The following PPP1R12B variants were observed in gnomAD, a reference collection of about 807,000 sequenced individuals.
The protein encoded by PPP1R12B is protein phosphatase 1 regulatory subunit 12B.
A neutral mutation model predicts 126.1 loss-of-function variants in PPP1R12B; 76 were observed. That is an observed-to-expected ratio of 0.60 (90% confidence interval 0.50 to 0.73). The LOEUF (loss-of-function observed/expected upper bound fraction) is 0.73, where lower values mean the gene tolerates loss of function less well. Among genes scored for constraint, PPP1R12B ranks in the 30% least tolerant of loss-of-function variants. PPP1R12B has a pLI of 0.00. For missense variants in PPP1R12B, 1,052 were observed against 1,205.1 expected (o/e 0.87, Z 1.88); for synonymous variants, 356 against 434.7 (o/e 0.82, Z 2.25).
At chr1:202,483,829 A>T (rs966709551) in intron 13 of PPP1R12B, among the ~76,000 whole-genome samples, 23 of 152,098 alleles carry the variant, frequency 1.5e-4, no homozygotes, top group Admixed American at 7.2e-4. Context: ...TATAGTTTTT[A>T]TATCCTCTTG....
intron 19 of PPP1R12B, 77 bp from the exon 20 acceptor site, chr1:202,562,701 A>T: frequency 6.8e-7 from 1 of 1,475,324 alleles, no homozygotes; most frequent in Non-Finnish European, 9.5e-7. Flanking sequence ...AAAGGCGCAA[A>T]CTACCCCTGA....
intron 1 of PPP1R12B, among the ~76,000 whole-genome samples, chr1:202,377,842 T>TG (rs1202177240): frequency 2.8e-4 from 13 of 47,018 alleles, no homozygotes; most frequent in African/African-American, 5.3e-4. Context: ...GTTTTTTTTT[T>TG]TTTTTTTTTT....
intron 18 of PPP1R12B, among the ~76,000 whole-genome samples, chr1:202,548,176 A>G (rs186639843): frequency 5.3e-4 from 81 of 152,316 alleles, no homozygotes; most frequent in Non-Finnish European, 9.1e-4. Context: ...TAAGGCATGT[A>G]ACTGTTCTAG....
intron 18 of PPP1R12B, chr1:202,540,232 G>A (rs1020890086): frequency 3.1e-6 from 5 of 1,600,222 alleles, no homozygotes; most frequent in Non-Finnish European, 4.3e-6. Context: ...CGACTGCCAA[G>A]ACGCTCCGAG....
At chr1:202,490,481 T>TA (rs1678714644) in intron 14 of PPP1R12B, among the ~76,000 whole-genome samples, 2 of 152,210 alleles carry the variant, frequency 1.3e-5, no homozygotes, top group African/African-American at 2.4e-5. Context: ...TGTGGTGAAA[T>TA]ATACGTAACA....
intron 1 of PPP1R12B, among the ~76,000 whole-genome samples, chr1:202,361,208 C>T (rs1246649686): frequency 6.6e-6 from 1 of 152,146 alleles, no homozygotes; most frequent in East Asian, 1.9e-4. Context: ...TAACTCTTAA[C>T]TGAAGTTCCC....
chr1:202,490,247 G>GAGA (rs1246329915), intron 14 of PPP1R12B, among the ~76,000 whole-genome samples: 2 of 152,190 alleles, frequency 1.3e-5, no homozygotes, highest in African/African-American at 4.8e-5. Context: ...CAGTGAAAAG[G>GAGA]AGAAGTTCCA....
At chr1:202,438,494 C>A (rs1671143048) in intron 10 of PPP1R12B, 1 of 407,716 alleles carries the variant, frequency 2.5e-6, no homozygotes. Context: ...GTGGAGGATG[C>A]AGAGGGCGAG....
chr1:202,421,804 T>G (rs1201020648), intron 2 of PPP1R12B, among the ~76,000 whole-genome samples: 1 of 152,206 alleles, frequency 6.6e-6, no homozygotes, highest in Non-Finnish European at 1.5e-5. Context: ...GAGTTCTCAC[T>G]GGCCCAAAAG....
Position 202,587,588 on chromosome 1 carries a change from A to AG in PPP1R12B, c.*7029dup. The stretch of plus-strand genomic sequence containing the variant: ...TCAGTGCATCTGGTGGCAACAGCTC[A>AG]GCCCATTCAAAGAGCAAGGATTCAG... On this transcript the variant is annotated 3_prime_UTR_variant, in exon 24 of 24. Coordinates refer to ENST00000608999, the MANE Select transcript of PPP1R12B (RefSeq NM_002481.4). 2.0e-5 allele frequency: 3 copies of AG among 152,398 alleles called. No homozygotes were observed. In the Middle Eastern group the frequency reaches 0.01, roughly 515 times the overall value. 9.4% of individuals were successfully genotyped at this position (152,398 alleles called of 1,614,324 possible).
Position 202,401,320 on chromosome 1 carries a change from GC to G in PPP1R12B, c.292-15466del, listed in dbSNP as rs1232640025. Reference sequence around the variant, plus strand: ...GTTATTCATCTCAGCCTCCCGAGTAGCTAGGACTACAGTTGTCCACCACCAT... The same window carrying G: ...GTTATTCATCTCAGCCTCCCGAGTAGTAGGACTACAGTTGTCCACCACCAT... On this transcript the variant is annotated intron_variant, in intron 1 of 23. Coordinates refer to ENST00000608999, the MANE Select transcript of PPP1R12B (RefSeq NM_002481.4). Among the ~76,000 whole-genome samples the G allele has an allele frequency of 4.8e-5, 7 of 146,620 alleles. No individual in the cohort carries two copies. In the East Asian group the frequency reaches 1.4e-3, roughly 29 times the overall value.
At chr1:202,561,992 T>C (rs1481990050) in intron 19 of PPP1R12B, among the ~76,000 whole-genome samples, 1 of 152,236 alleles carries the variant, frequency 6.6e-6, no homozygotes, top group Non-Finnish European at 1.5e-5. Flanking sequence ...GTTTCATATG[T>C]GCTGCCTTTT....
rs116710607 is a variant in PPP1R12B, at chr1:202,402,405, C to T, written c.292-14382C>T. Among the ~76,000 whole-genome samples the T allele has an allele frequency of 8.8e-3, 1,346 of 152,292 alleles. 13 individuals are homozygous for T. The highest frequency in any genetic ancestry group is 0.012 in the Non-Finnish European group (802 of 68,026). ...TTGTATTTTTCATTCTACTTCCCTT[C>T]TTCTAGGACATAGCAGTCTGAAGTT... On this transcript the variant is annotated intron_variant, in intron 1 of 23. Coordinates refer to ENST00000608999, the MANE Select transcript of PPP1R12B (RefSeq NM_002481.4).
intron 13 of PPP1R12B, among the ~76,000 whole-genome samples, chr1:202,455,589 T>TGC (rs1673527400): frequency 6.6e-6 from 1 of 152,252 alleles, no homozygotes; most frequent in African/African-American, 2.4e-5. Context: ...ATATAGATAA[T>TGC]GCCACATTTT....
intron 1 of PPP1R12B, among the ~76,000 whole-genome samples, chr1:202,403,841 C>T (rs560276540): frequency 6.6e-5 from 10 of 152,278 alleles, no homozygotes; most frequent in African/African-American, 2.4e-4. Context: ...ACCCATGGTC[C>T]TAAGCTCTTA....
intron 10 of PPP1R12B, chr1:202,438,444 C>G: frequency 1.8e-5 from 8 of 441,682 alleles, no homozygotes; most frequent in South Asian, 1.6e-4. Context: ...CGCCTCCTGC[C>G]AGGGTCCCAC....
At chr1:202,555,356 T>TAAAAAA (rs1686805638) in intron 18 of PPP1R12B, among the ~76,000 whole-genome samples, 1 of 54,276 alleles carries the variant, frequency 1.8e-5, no homozygotes, top group African/African-American at 5.7e-5. Context: ...AAAAAAAAGC[T>TAAAAAA]TGTTTCGTCA....
chr1:202,572,152 T>G (rs2149032881), intron 23 of PPP1R12B, among the ~76,000 whole-genome samples: 1 of 152,344 alleles, frequency 6.6e-6, no homozygotes, highest in South Asian at 2.1e-4. Flanking sequence ...GATTAATAGC[T>G]AAAATCTCTC....
At chr1:202,510,051 A>G (rs888234721) in intron 18 of PPP1R12B, among the ~76,000 whole-genome samples, 22 of 152,238 alleles carry the variant, frequency 1.4e-4, no homozygotes, top group African/African-American at 5.3e-4. Flanking sequence ...GTGCCTTTAT[A>G]GAATATGTAC....
Sources: gnomAD v4.1 joint callset for allele counts (sites outside exome capture counted in the v4.1 genomes callset) on GRCh38, gnomAD v4.1.1 for gene constraint, MANE v1.5 for transcripts, NCBI Gene and HGNC (gene_info 2026-07-23, HGNC 2026-07-21) for gene names.